ODAD3: variants seen among roughly 807,000 people sequenced by gnomAD.
ODAD3 encodes outer dynein arm-docking complex subunit 3.
A neutral mutation model predicts 70.9 loss-of-function variants in ODAD3; 57 were observed. The observed-to-expected ratio is 0.80, with a 90% CI of 0.65 to 1.00. The LOEUF (loss-of-function observed/expected upper bound fraction) is 1.00, where lower values mean the gene tolerates loss of function less well. Among genes scored for constraint, ODAD3 ranks in the 50% least tolerant of loss-of-function variants. ODAD3 has a pLI of 0.00. For synonymous variants in ODAD3, 327 were observed against 315.9 expected, an observed-to-expected ratio of 1.04 and a Z score of -0.37; for missense variants, 797 against 763.9, an observed-to-expected ratio of 1.04 and a Z score of -0.51.
intron 1 of ODAD3, 58 bp downstream of exon 1, chr19:11,434,715 G>C: frequency 6.5e-7 from 1 of 1,541,764 alleles, no homozygotes; most frequent in South Asian, 1.2e-5. Flanking sequence ...GTCACACCAT[G>C]AAGATTGGAT....
At chr19:11,433,886 C>T (rs112852308) in intron 1 of ODAD3, among the ~76,000 whole-genome samples, 3,843 of 152,128 alleles carry the variant, frequency 0.025, 152 homozygotes, top group African/African-American at 0.087. Flanking sequence ...GTTATCCAAC[C>T]ACTACACTCC....
intron 3 of ODAD3, among the ~76,000 whole-genome samples, chr19:11,428,458 G>C (rs185994228): frequency 6.6e-6 from 1 of 152,160 alleles, no homozygotes. Flanking sequence ...GCCCAGGCTG[G>C]TCATGAACTT....
rs1969347432 is a variant in ODAD3, at chr19:11,425,636, T to TACGC, written c.963+507_963+508insGCGT. Among the ~76,000 whole-genome samples the TACGC allele has an allele frequency of 1.3e-4, 18 of 140,102 alleles. 1 individual carries two copies. The highest frequency in any genetic ancestry group is 5.0e-4 in the African/African-American group (17 of 33,702). The allele number at this position is 140,102 out of a possible 152,430, so 91.9% of individuals were successfully genotyped here. ...ATATATGCATATATGCATATATGTA[T>TACGC]ATATATGTATATACGTATATATATA... On this transcript the variant is annotated intron_variant, in intron 7 of 12. Transcript: ENST00000356392.
chr19:11,422,551 G>C lies in ODAD3; in HGVS notation c.1354C>G (p.Leu452Val). The C allele has an allele frequency of 6.3e-7, 1 of 1,591,598 alleles. No homozygotes were observed. Among genetic ancestry groups the C allele is most frequent in the Non-Finnish European group, 8.5e-7 (1 of 1,170,934 alleles). ...ERRHAEAKDQ[L>V]ERALRAMQVA... ...TGCATCGCCCGCAAGGCGCGCTCCAGCTGGTCCTTGGCCTCGGCGTGCCGC... is the reference window on the plus strand; with the variant it reads ...TGCATCGCCCGCAAGGCGCGCTCCACCTGGTCCTTGGCCTCGGCGTGCCGC... The change falls in exon 10 of 13, where the codon CTG (leucine) becomes GTG (valine). Residue 452 changes from leucine (L) to valine (V), a missense_variant. Leu to Val is a conservative substitution (Grantham distance 32). Coordinates refer to ENST00000356392, the MANE Select transcript of ODAD3 (RefSeq NM_145045.5). This position sits in a 1 kb window ranked among gnomAD's most constrained non-coding sequence, Gnocchi z 4.6.
intron 7 of ODAD3, among the ~76,000 whole-genome samples, chr19:11,425,742 G>C (rs1285534017): frequency 6.8e-6 from 1 of 146,580 alleles, no homozygotes; most frequent in African/African-American, 2.7e-5. Context: ...ACAGGGCTTT[G>C]GTGAGGGCTG....
chr19:11,426,752 C>T lies in ODAD3; in HGVS notation c.645G>A (p.Lys215=), dbSNP rs765297835. ...CGGCCTCCTGCGCCTTCATCTGGGC[C>T]TTCTCCAGGCGGTTCTCCAGGTTCC... ...TMRNLENRLE[K]AQMKAQEAEH... Residue 215 remains lysine, a synonymous_variant, in exon 5 of 13, where the codon AAG becomes AAA. Coordinates refer to ENST00000356392, the MANE Select transcript of ODAD3 (RefSeq NM_145045.5). The T allele has an allele frequency of 2.5e-6, 4 of 1,613,992 alleles. No individual in the cohort carries two copies. In the South Asian group the frequency reaches 4.4e-5, roughly 18 times the overall value.
At chr19:11,428,215 C>T (rs1045670318) in intron 3 of ODAD3, among the ~76,000 whole-genome samples, 8 of 151,676 alleles carry the variant, frequency 5.3e-5, no homozygotes, top group African/African-American at 1.9e-4. Flanking sequence ...AGATTACAGG[C>T]AAGAGCCACT....
intron 1 of ODAD3, among the ~76,000 whole-genome samples, chr19:11,432,787 T>C (rs1030131270): frequency 6.6e-6 from 1 of 151,876 alleles, no homozygotes; most frequent in African/African-American, 2.4e-5. Context: ...CAAGCAACCA[T>C]GCAAGATTAC....
upstream of ODAD3, chr19:11,435,612 CG>C (rs1487294387): frequency 1.4e-5 from 15 of 1,100,594 alleles, no homozygotes; most frequent in Non-Finnish European, 1.6e-5. Context: ...CCGGAAGTGA[CG>C]GGGTCCAGAA....
At position 11,426,715 on chromosome 19, in the gene ODAD3, T is replaced by G; in HGVS notation, c.682A>C (p.Ser228Arg). 1 of 1,613,918 alleles carries G rather than the reference T, an allele frequency of 6.2e-7. No individual in the cohort carries two copies. The highest frequency in any genetic ancestry group is 8.5e-7 in the Non-Finnish European group (1 of 1,179,896). ...MKAQEAEHITSVYLQLKAYLM... is the reference protein window; with the variant it reads ...MKAQEAEHITRVYLQLKAYLM... ...TAGGCCTTGAGCTGCAGGTACACGC[T>G]GGTAATGTGCTCGGCCTCCTGCGCC... The change falls in exon 5 of 13, where the codon AGC becomes CGC. Residue 228 changes from serine (S) to arginine (R), a missense_variant. Physicochemically the swap from Ser to Arg is moderately radical, Grantham distance 110 (BLOSUM62 -1). Transcript: ENST00000356392.
At position 11,426,183 on chromosome 19, in the gene ODAD3, G is replaced by T. The variant is rs769419628; in HGVS notation, c.924C>A (p.Ala308=). The T allele has an allele frequency of 1.9e-6, 3 of 1,613,052 alleles. No homozygotes were observed. The highest frequency in any genetic ancestry group is 2.5e-6 in the Non-Finnish European group (3 of 1,179,780). Residue 308 remains alanine, a synonymous_variant, in exon 7 of 13, where the codon GCC becomes GCA. Coordinates refer to ENST00000356392, the MANE Select transcript of ODAD3 (RefSeq NM_145045.5). ...ERYISECKKR[A]EEKKLENERM... is the part of the protein sequence containing the mutation. ...GCTCGTTCTCCAGTTTCTTCTCCTC[G>T]GCGCGCTTCTTGCACTCACTTATGT...
At chr19:11,427,820 G>C (rs1416201504) in intron 3 of ODAD3, among the ~76,000 whole-genome samples, 1 of 151,416 alleles carries the variant, frequency 6.6e-6, no homozygotes, top group African/African-American at 2.4e-5. Flanking sequence ...AATGTTTTAG[G>C]CTGGGCGCGG....
At chr19:11,423,720 A>T (rs967282491) in intron 8 of ODAD3, among the ~76,000 whole-genome samples, 157 bp downstream of exon 8, 1 of 150,764 alleles carries the variant, frequency 6.6e-6, no homozygotes, top group African/African-American at 2.4e-5. Flanking sequence ...TGGAGGGGGA[A>T]GGGATGTTTT....
Position 11,434,822 on chromosome 19 carries a change from G to A in ODAD3, c.195C>T (p.Pro65=), listed in dbSNP as rs773007379. 67 of 1,614,044 alleles carry A rather than the reference G, an allele frequency of 4.2e-5. No homozygotes were observed. In the Middle Eastern group the frequency reaches 6.6e-4, roughly 16 times the overall value. ...ACTCAGCCACCTGAGAGTGCACAGA[G>A]GGCTTCCCTGCACCTCTGTGGAAGG... ...GGSFHRGAGK[P]SVHSQVAELH... is the part of the protein sequence containing the mutation. The change falls in exon 1 of 13, where the codon CCC becomes CCT. Residue 65 remains proline, a synonymous_variant. Transcript: ENST00000356392.
At chr19:11,424,145 A>G (rs1056353414) in intron 7 of ODAD3, 116 bp from the exon 8 acceptor site, 21 of 1,310,196 alleles carry the variant, frequency 1.6e-5, no homozygotes, top group Non-Finnish European at 2.2e-5. Flanking sequence ...ACTGGAGGGA[A>G]GGGAGAGGGC....
chr19:11,431,200 C>T (rs1236770722), intron 1 of ODAD3, 180 bp from the exon 2 acceptor site: 3 of 696,288 alleles, frequency 4.3e-6, no homozygotes, highest in East Asian at 5.9e-5. Context: ...CAGCCTCCGC[C>T]TCCCGGGTTC....
intron 3 of ODAD3, among the ~76,000 whole-genome samples, chr19:11,430,212 A>C (rs553575049): frequency 3.3e-5 from 5 of 151,978 alleles, no homozygotes; most frequent in African/African-American, 1.2e-4. Context: ...ATCTCGGCTC[A>C]CTGCAACCTC....
chr19:11,428,615 C>T (rs1318083825), intron 3 of ODAD3, among the ~76,000 whole-genome samples: 1 of 152,086 alleles, frequency 6.6e-6, no homozygotes, highest in African/African-American at 2.4e-5. Flanking sequence ...GTGGCACGAA[C>T]ATGACTCACT....
intron 3 of ODAD3, among the ~76,000 whole-genome samples, chr19:11,427,483 CTTTTTT>C (rs376645668): frequency 5.5e-5 from 6 of 108,432 alleles, no homozygotes; most frequent in African/African-American, 2.0e-4. Context: ...GTTTTCTTTT[CTTTTTT>C]TTTTTTTTTT....
Sources: allele counts gnomAD v4.1 joint callset (sites outside exome capture counted in the v4.1 genomes callset), GRCh38; gene constraint gnomAD v4.1.1; non-coding constraint Gnocchi (gnomAD v3.1); transcripts MANE v1.5; gene names NCBI Gene and HGNC (gene_info 2026-07-23, HGNC 2026-07-21).